IKBKE: variants seen among roughly 807,000 people sequenced by gnomAD.
IKBKE encodes the protein inhibitor of nuclear factor kappa-B kinase subunit epsilon.
Under a neutral mutation model 92.1 loss-of-function variants are expected in IKBKE, and 45 were observed. The ratio of observed to expected loss-of-function variants is 0.49; its 90% CI spans 0.38 to 0.63. IKBKE has a LOEUF of 0.63. Among genes scored for constraint, IKBKE ranks in the 20% least tolerant of loss-of-function variants. The pLI is 0.00. For synonymous variants in IKBKE, 374 were observed against 380.3 expected (o/e 0.98, Z 0.19); for missense variants, 700 against 932.8 (o/e 0.75, Z 3.25).
In IKBKE at chr1:206,476,756, A is replaced by C. The variant is rs1665087947; in HGVS notation, c.619A>C (p.Ile207Leu). 1 of 1,614,102 alleles carries C rather than the reference A, an allele frequency of 6.2e-7. No individual in the cohort carries two copies. The highest frequency in any genetic ancestry group is 1.3e-5 in the African/African-American group (1 of 74,936). Residue 207 changes from isoleucine to leucine, a missense_variant, in exon 7 of 22, where the codon ATT (isoleucine) becomes CTT (leucine). Coordinates refer to ENST00000581977, the MANE Select transcript of IKBKE (RefSeq NM_014002.4). The surrounding 1 kb of genome is among the most constrained non-coding windows in gnomAD (Gnocchi z 5.1). ...CGGGGTGACTGTGGATCTCTGGAGCATTGGAGTGACCTTGTACCATGCAGC... is the reference window on the plus strand; with the variant it reads ...CGGGGTGACTGTGGATCTCTGGAGCCTTGGAGTGACCTTGTACCATGCAGC... ...AFGVTVDLWSIGVTLYHAATG... is the reference protein window; with the variant it reads ...AFGVTVDLWSLGVTLYHAATG...
At position 206,490,410 on chromosome 1, in the gene IKBKE, G is replaced by A. The variant is rs777917527; in HGVS notation, c.1694-409G>A. Among the ~76,000 whole-genome samples the A allele has an allele frequency of 3.8e-4, 58 of 151,902 alleles. No individual in the cohort carries two copies. The highest frequency in any genetic ancestry group is 7.8e-4 in the Non-Finnish European group (53 of 67,912). On this transcript the variant is annotated intron_variant, in intron 16 of 21. Transcript: ENST00000581977. This position sits in a 1 kb window ranked among gnomAD's most constrained non-coding sequence, Gnocchi z 5.2. The stretch of plus-strand genomic sequence containing the variant: ...ATTTCTCCAGCTCGTTGCAGGTAGC[G>A]CCCATGAACATTCAGGGATGGGACC...
chr1:206,473,210 GC>G lies in IKBKE; in HGVS notation c.-16del. On this transcript the variant is annotated 5_prime_UTR_variant, in exon 3 of 22. Coordinates refer to ENST00000581977, the MANE Select transcript of IKBKE (RefSeq NM_014002.4). ...TCTTTCTCTAGGCAGAAGGTGACCA[GC>G]CAGCTCAGGGCAGGAGATGCAGAGC... 1.2e-6 allele frequency: 2 copies of G among 1,602,186 alleles called. No homozygotes were observed. The highest frequency in any genetic ancestry group is 1.7e-6 in the Non-Finnish European group (2 of 1,172,004).
rs894743175 is a variant in IKBKE, at chr1:206,487,726, G to A, written c.1617-188G>A. On this transcript the variant is annotated intron_variant, in intron 15 of 21. Coordinates refer to ENST00000581977, the MANE Select transcript of IKBKE (RefSeq NM_014002.4). This position sits in a 1 kb window ranked among gnomAD's most constrained non-coding sequence, Gnocchi z 5.3. Reference sequence around the variant, plus strand: ...AGAATAAGCCATGAGAACGAGAGACGGCTGGCTGACTGTACGGGGTCTCAA... The same window carrying A: ...AGAATAAGCCATGAGAACGAGAGACAGCTGGCTGACTGTACGGGGTCTCAA... Among the ~76,000 whole-genome samples, 5 of 152,156 alleles carry A rather than the reference G, an allele frequency of 3.3e-5. No homozygotes were observed. Among genetic ancestry groups the A allele is most frequent in the South Asian group, 4.1e-4 (2 of 4,826 alleles).
chr1:206,485,095 G>T lies in IKBKE; in HGVS notation c.1503+23G>T, dbSNP rs1553388251. The T allele has an allele frequency of 6.2e-7, 1 of 1,610,268 alleles. No homozygotes were observed. ...ACTGTGAGTGAGGCTGGAGGGCAAG[G>T]GCTTAGCAGGATCAGAGCTGGGGGC... On this transcript the variant is annotated intron_variant, in intron 14 of 21. Coordinates refer to ENST00000581977, the MANE Select transcript of IKBKE (RefSeq NM_014002.4). This position sits in a 1 kb window ranked among gnomAD's most constrained non-coding sequence, Gnocchi z 5.0.
rs41296016 is a variant in IKBKE, at chr1:206,475,152, A to G, written c.358+158A>G. 6.0e-3 allele frequency: 4,584 copies of G among 758,016 alleles called. 181 individuals carry two copies. In the African/African-American group the frequency reaches 0.072, roughly 12 times the overall value. The allele number at this position is 758,016 out of a possible 1,614,324, so 47.0% of individuals were successfully genotyped here. On this transcript the variant is annotated intron_variant, in intron 5 of 21. Transcript: ENST00000581977. ...AAGATTGTACACCAATGTTCACAGC[A>G]GCATTATTTACAATAGCCAAAAGGT...
rs1665928993 is a variant in IKBKE, at chr1:206,491,083, G to A, written c.1733+225G>A. 5 of 602,072 alleles carry A rather than the reference G, an allele frequency of 8.3e-6. No individual in the cohort carries two copies. The South Asian group carries it at 9.7e-5, about 12-fold the overall frequency. The allele number at this position is 602,072 out of a possible 1,614,324, so 37.3% of individuals were successfully genotyped here. Reference sequence around the variant, plus strand: ...CTTGAAGTAACTGGATTTACTTCTGGTATGGACAAGACTGTTTGCAGGCTT... The same window carrying A: ...CTTGAAGTAACTGGATTTACTTCTGATATGGACAAGACTGTTTGCAGGCTT... On this transcript the variant is annotated intron_variant, in intron 17 of 21. Transcript: ENST00000581977.
chr1:206,489,761 A>G (rs1665855545), intron 16 of IKBKE, among the ~76,000 whole-genome samples: 1 of 152,164 alleles, frequency 6.6e-6, no homozygotes, highest in African/African-American at 2.4e-5. Context: ...CCCATTTTAT[A>G]GATGAGAAAA....
chr1:206,479,947 C>G lies in IKBKE; in HGVS notation c.1248+13C>G. ...CAACACTGCCAAGGTGAGGGGCAAC[C>G]CCCAGGTGGCAGGGAGGGGCATGAC... On this transcript the variant is annotated intron_variant, in intron 11 of 21. Transcript: ENST00000581977. 6.2e-7 allele frequency: 1 copy of G among 1,613,708 alleles called. No homozygotes were observed. Among genetic ancestry groups the G allele is most frequent in the East Asian group, 2.2e-5 (1 of 44,822 alleles).
chr1:206,481,166 A>T (rs1484663900), intron 13 of IKBKE, among the ~76,000 whole-genome samples: 5 of 152,212 alleles, frequency 3.3e-5, no homozygotes, highest in African/African-American at 1.2e-4. Context: ...TGGCCAGAGC[A>T]CGATTGAGAA....
At chr1:206,479,198 C>G (rs1665233835) in intron 10 of IKBKE, 65 bp downstream of exon 10, 14 of 1,309,392 alleles carry the variant, frequency 1.1e-5, no homozygotes, top group African/African-American at 1.5e-5. Flanking sequence ...CAGGAGTTTG[C>G]AATCCAGGCC....
rs41296002 is a variant in IKBKE, at chr1:206,474,133, C to T, written c.88-198C>T. 4.3e-3 allele frequency among the ~76,000 whole-genome samples: 654 copies of T among 152,206 alleles called. 1 individual carries two copies. Among genetic ancestry groups the T allele is most frequent in the Middle Eastern group, 0.014 (4 of 294 alleles). On this transcript the variant is annotated intron_variant, in intron 3 of 21. Transcript: ENST00000581977. ...AGATCAGAGTGTCAGGATCTTGTCACCTCCCAGTGCTGGACTCTCTACCCC... is the reference window on the plus strand; with the variant it reads ...AGATCAGAGTGTCAGGATCTTGTCATCTCCCAGTGCTGGACTCTCTACCCC...
At chr1:206,486,716 G>T (rs1180469902) in intron 15 of IKBKE, among the ~76,000 whole-genome samples, 1 of 151,298 alleles carries the variant, frequency 6.6e-6, no homozygotes, top group Non-Finnish European at 1.5e-5. Flanking sequence ...TTGGATGAAG[G>T]CTGAGGATCG....
At chr1:206,488,344 TTAAAG>T (rs1553389346) in intron 16 of IKBKE, among the ~76,000 whole-genome samples, 1 of 152,182 alleles carries the variant, frequency 6.6e-6, no homozygotes, top group Non-Finnish European at 1.5e-5. Flanking sequence ...GCAGGGCACT[TTAAAG>T]TATAGAATGT....
chr1:206,474,404 G>A lies in IKBKE; in HGVS notation c.161G>A (p.Arg54Lys). 3.1e-6 allele frequency: 5 copies of A among 1,614,116 alleles called. No individual in the cohort carries two copies. The highest frequency in any genetic ancestry group is 4.2e-6 in the Non-Finnish European group (5 of 1,179,940). ...SYLRPREVQV[R>K]EFEVLRKLNH... ...CTGCGGCCCCGCGAGGTGCAGGTGA[G>A]GGAGTTTGAGGTCCTGCGGAAGCTG... The change falls in exon 4 of 22, where the codon AGG becomes AAG. Residue 54 changes from arginine to lysine, a missense_variant. Transcript: ENST00000581977.
At chr1:206,474,504 G>A (rs368149449) in intron 4 of IKBKE, 33 bp downstream of exon 4, 77 of 1,590,628 alleles carry the variant, frequency 4.8e-5, no homozygotes, top group Non-Finnish European at 6.3e-5. Context: ...GAATGGTCTT[G>A]TCCTTGACCC....
chr1:206,481,552 G>A (rs891140865), intron 13 of IKBKE, among the ~76,000 whole-genome samples: 6 of 152,168 alleles, frequency 3.9e-5, no homozygotes, highest in Non-Finnish European at 8.8e-5. Context: ...GGTTCAGTCA[G>A]CAGAACTGCA....
chr1:206,473,337 C>G (rs781857771), intron 3 of IKBKE, 23 bp downstream of exon 3: 5 of 1,556,260 alleles, frequency 3.2e-6, no homozygotes, highest in South Asian at 1.2e-5. Flanking sequence ...CCTGGCCAGG[C>G]CCTGTCCAGC....
At chr1:206,493,450 T>C (rs1019523485) in intron 20 of IKBKE, 72 bp downstream of exon 20, 10 of 1,195,804 alleles carry the variant, frequency 8.4e-6, no homozygotes, top group Admixed American at 1.8e-5. Context: ...ATGCTGAGGT[T>C]AGAGCCTGAG....
chr1:206,472,587 T>TCTCACA (rs139299684), intron 2 of IKBKE, among the ~76,000 whole-genome samples: 21 of 150,094 alleles, frequency 1.4e-4, no homozygotes, highest in Middle Eastern at 6.8e-3. Flanking sequence ...ACACACACTC[T>TCTCACA]CACACACACA....
Sources: allele counts gnomAD v4.1 joint callset (sites outside exome capture counted in the v4.1 genomes callset), GRCh38; gene constraint gnomAD v4.1.1; non-coding constraint Gnocchi (gnomAD v3.1); transcripts MANE v1.5; gene names NCBI Gene and HGNC (gene_info 2026-07-23, HGNC 2026-07-21).